Variants in FOXP2 observed in about 807,000 individuals in gnomAD.
The protein encoded by FOXP2 is forkhead box protein P2.
A neutral mutation model predicts 115.8 loss-of-function variants in FOXP2; 12 were observed. The observed-to-expected ratio is 0.10, with a 90% CI of 0.07 to 0.17. The LOEUF is 0.17. FOXP2 is among the 10% of genes least tolerant of loss of function. FOXP2 has a pLI of 1.00. For missense variants in FOXP2, 629 were observed against 843.5 expected (o/e 0.75, Z 3.15); for synonymous variants, 328 against 297.7 (o/e 1.10, Z -1.05).
rs141629412 is a variant in FOXP2 at position 114,624,286 on chromosome 7, C to T, written c.259-4254C>T. On this transcript the variant is annotated intron_variant, in intron 3 of 16. Coordinates refer to ENST00000350908, the MANE Select transcript of FOXP2 (RefSeq NM_014491.4). ...CACAAGTAGTTAATTGTCATAGTTA[C>T]ATTTTTCAAGTACCAAGAAGGCAAA... 8.5e-4 allele frequency among the ~76,000 whole-genome samples: 129 copies of T among 151,978 alleles called. 1 individual carries two copies. In the East Asian group the frequency reaches 0.024, roughly 28 times the overall value.
At chr7:114,521,532 C>CAA (rs34666914) in intron 2 of FOXP2, among the ~76,000 whole-genome samples, 9,797 of 80,778 alleles carry the variant, frequency 0.12, 1,044 homozygotes, top group East Asian at 0.37. Context: ...GACACTGTCT[C>CAA]AAAAAAAAAA....
At chr7:114,479,999 A>G (rs528902222) in intron 2 of FOXP2, among the ~76,000 whole-genome samples, 3 of 151,506 alleles carry the variant, frequency 2.0e-5, no homozygotes, top group South Asian at 2.1e-4. Flanking sequence ...GCTTCTTTCT[A>G]TAATATTTGC....
rs985438314 is a variant in FOXP2 at position 114,693,545 on chromosome 7, C to T, written c.*3619C>T. The T allele has an allele frequency of 2.4e-5, 11 of 453,070 alleles. No individual in the cohort carries two copies. The highest frequency in any genetic ancestry group is 4.9e-5 in the Non-Finnish European group (11 of 226,386). 28.1% of individuals were successfully genotyped at this position (453,070 alleles called of 1,614,324 possible). A position where few individuals can be genotyped will look rare whatever the true frequency, so the allele number is the denominator to read the frequency against. On this transcript the variant is annotated 3_prime_UTR_variant, in exon 17 of 17. Coordinates refer to ENST00000350908, the MANE Select transcript of FOXP2 (RefSeq NM_014491.4). ...AGCTATTGAAAGGAACATGGCTTAC[C>T]CTTGTTATTTCACTAGTTCAGGTTG...
At chr7:114,533,495 T>G (rs1799238101) in intron 2 of FOXP2, among the ~76,000 whole-genome samples, 1 of 151,966 alleles carries the variant, frequency 6.6e-6, no homozygotes, top group Admixed American at 6.6e-5. Context: ...AGAAACTCTC[T>G]TAAAAACCAG....
Position 114,652,161 on chromosome 7 carries a change from G to T in FOXP2, c.1095-42G>T. The T allele has an allele frequency of 1.9e-6, 3 of 1,585,292 alleles. No individual in the cohort carries two copies. The South Asian group carries it at 3.3e-5, about 18-fold the overall frequency. ...AAGTGTAGCCTATGCCACTAAGATC[G>T]ACATCACTTTACATTCTGTTTTGTG... On this transcript the variant is annotated intron_variant, in intron 8 of 16. Transcript: ENST00000350908.
rs145519621 is a variant in FOXP2, at chr7:114,456,036, C to G, written c.168+29357C>G. 5.9e-3 allele frequency among the ~76,000 whole-genome samples: 901 copies of G among 152,318 alleles called. 9 individuals carry two copies. The highest frequency in any genetic ancestry group is 0.021 in the African/African-American group (859 of 41,566). ...TCCTTCAATGCACCAAGATCCAAATCAGCTTTCCCTGAAAGCCCCTCCCCT... is the reference window on the plus strand; with the variant it reads ...TCCTTCAATGCACCAAGATCCAAATGAGCTTTCCCTGAAAGCCCCTCCCCT... On this transcript the variant is annotated intron_variant, in intron 2 of 16. Coordinates refer to ENST00000350908, the MANE Select transcript of FOXP2 (RefSeq NM_014491.4).
chr7:114,087,875 C>T (rs1045818157), intron 1 of FOXP2: 2 of 152,060 alleles, frequency 1.3e-5, no homozygotes, highest in Non-Finnish European at 2.9e-5. Context: ...TGGGGTGACG[C>T]TTTGATTAGA....
chr7:114,621,698 C>G (rs1804266553), intron 3 of FOXP2, among the ~76,000 whole-genome samples: 1 of 151,918 alleles, frequency 6.6e-6, no homozygotes, highest in South Asian at 2.1e-4. Flanking sequence ...GGCTTTGTTC[C>G]ATTCTTGAAC....
intron 1 of FOXP2, among the ~76,000 whole-genome samples, chr7:114,098,199 T>C (rs1305664642): frequency 2.0e-5 from 3 of 152,168 alleles, no homozygotes; most frequent in East Asian, 3.9e-4. Flanking sequence ...AGGGGTTTGT[T>C]TTTTTAGGGA....
At chr7:114,615,307 A>G (rs186385270) in intron 3 of FOXP2, among the ~76,000 whole-genome samples, 121 of 152,208 alleles carry the variant, frequency 7.9e-4, no homozygotes, top group Admixed American at 4.2e-3. Flanking sequence ...ATCATAATCT[A>G]GTTAACTAAA....
At chr7:114,546,964 A>G (rs185926033) in intron 3 of FOXP2, among the ~76,000 whole-genome samples, 1 of 152,352 alleles carries the variant, frequency 6.6e-6, no homozygotes, top group African/African-American at 2.4e-5. Context: ...TCTCCGTCCT[A>G]TAAGACTACA....
upstream of FOXP2, among the ~76,000 whole-genome samples, chr7:114,160,127 A>T (rs1046071374): frequency 1.3e-5 from 2 of 152,156 alleles, no homozygotes; most frequent in African/African-American, 4.8e-5. Flanking sequence ...ATGGCACAGA[A>T]AGGTGAGGGA....
chr7:114,184,223 A>G (rs1409862106), intron 1 of FOXP2, among the ~76,000 whole-genome samples: 1 of 152,030 alleles, frequency 6.6e-6, no homozygotes, highest in Non-Finnish European at 1.5e-5. Flanking sequence ...TGAAATGCCC[A>G]TTTCTGAGTT....
intron 10 of FOXP2, 90 bp from the exon 11 acceptor site, chr7:114,657,976 A>C: frequency 7.2e-7 from 1 of 1,386,290 alleles, no homozygotes; most frequent in Non-Finnish European, 1.0e-6. Flanking sequence ...ACACAGCTGT[A>C]GAAGTGAATC....
In FOXP2 at chr7:114,215,628, G is replaced by C. The variant is rs138246003; in HGVS notation, c.-102+52540G>C. Reference sequence around the variant, plus strand: ...CTTACTGATGTACCATTAGTACAGTGTGTACTTAGCATTGGTTAAGATACT... The same window carrying C: ...CTTACTGATGTACCATTAGTACAGTCTGTACTTAGCATTGGTTAAGATACT... On this transcript the variant is annotated intron_variant, in intron 1 of 17. Transcript: ENST00000634411. Among the ~76,000 whole-genome samples, 18 of 151,240 alleles carry C rather than the reference G, an allele frequency of 1.2e-4. No individual in the cohort carries two copies. In the East Asian group the frequency reaches 3.3e-3, roughly 28 times the overall value.
chr7:114,452,357 T>C lies in FOXP2; in HGVS notation c.168+25678T>C, dbSNP rs1169893649. On this transcript the variant is annotated intron_variant, in intron 2 of 16. Coordinates refer to ENST00000350908, the MANE Select transcript of FOXP2 (RefSeq NM_014491.4). ...AAATCTTATTGGTAATACAATCAGA[T>C]AAAGTTGAATAGAAGGACTTAAGCA... is the stretch of plus-strand genomic sequence containing the variant. Among the ~76,000 whole-genome samples the C allele has an allele frequency of 2.0e-5, 3 of 151,986 alleles. No individual in the cohort carries two copies. The East Asian group carries it at 5.8e-4, about 29-fold the overall frequency.
At chr7:114,127,279 A>G (rs1298935127) in intron 1 of FOXP2, among the ~76,000 whole-genome samples, 1 of 152,176 alleles carries the variant, frequency 6.6e-6, no homozygotes, top group South Asian at 2.1e-4. Context: ...TGTAACAATC[A>G]TGGTAGTAAC....
At chr7:114,421,792 A>G (rs965000268) in intron 1 of FOXP2, among the ~76,000 whole-genome samples, 3 of 151,722 alleles carry the variant, frequency 2.0e-5, no homozygotes, top group African/African-American at 7.2e-5. Context: ...TTTATTAGGC[A>G]ATCTTAGCAT....
chr7:114,353,672 A>G (rs1412657965), intron 2 of FOXP2, among the ~76,000 whole-genome samples: 2 of 152,024 alleles, frequency 1.3e-5, no homozygotes, highest in African/African-American at 4.8e-5. Flanking sequence ...ACTTCCTTCT[A>G]AAGAGGTAAA....
Sources: gnomAD v4.1 joint callset for allele counts (sites outside exome capture counted in the v4.1 genomes callset) on GRCh38, gnomAD v4.1.1 for gene constraint, MANE v1.5 for transcripts, NCBI Gene and HGNC (gene_info 2026-07-23, HGNC 2026-07-21) for gene names.